Variants in MID1 observed in about 807,000 individuals in gnomAD.
The protein encoded by MID1 is E3 ubiquitin-protein ligase Midline-1.
A neutral mutation model predicts 40.4 loss-of-function variants in MID1; 7 were observed. The observed-to-expected ratio is 0.17, with a 90% CI of 0.10 to 0.33. MID1 has a LOEUF of 0.33. Among genes scored for constraint, MID1 ranks in the 10% least tolerant of loss-of-function variants. The pLI is 1.00. For synonymous variants in MID1, 229 were observed against 221.2 expected (o/e 1.04, Z -0.31); for missense variants, 367 against 558.5 (o/e 0.66, Z 3.46).
chrX:10,757,355 G>T, intron 1 of MID1, among the ~76,000 whole-genome samples: 1 of 112,378 alleles, frequency 8.9e-6, no homozygotes, highest in Non-Finnish European at 1.9e-5. Context: ...GCAGATGAAA[G>T]TGGTGGCAAA....
chrX:10,537,543 A>T (rs1480246790), intron 2 of MID1, among the ~76,000 whole-genome samples: 2 of 112,168 alleles, frequency 1.8e-5, no homozygotes, highest in Non-Finnish European at 3.8e-5. Context: ...TTGGCCTTCC[A>T]CAACTGTTAT....
chrX:10,607,819 T>C (rs1340061885), intron 1 of MID1, among the ~76,000 whole-genome samples: 1 of 112,224 alleles, frequency 8.9e-6, no homozygotes, highest in East Asian at 2.8e-4. Flanking sequence ...GAGTATAAAT[T>C]GAAGCCCAGT....
At chrX:10,621,056 A>T (rs1935928055), upstream of MID1, among the ~76,000 whole-genome samples, 1 of 112,330 alleles carries the variant, frequency 8.9e-6, no homozygotes, top group African/African-American at 3.2e-5. Flanking sequence ...ATATAGATTA[A>T]CTGTATATTC....
intron 1 of MID1, among the ~76,000 whole-genome samples, chrX:10,769,674 T>C (rs1001484038): frequency 8.9e-6 from 1 of 112,362 alleles, no homozygotes; most frequent in East Asian, 2.8e-4. Context: ...CATTTTCTTT[T>C]CCCACTCCTG....
intron 1 of MID1, among the ~76,000 whole-genome samples, chrX:10,795,054 TC>T (rs1417071314): frequency 9.0e-6 from 1 of 111,638 alleles, no homozygotes; most frequent in Non-Finnish European, 1.9e-5. Flanking sequence ...ATTCTCTGTG[TC>T]TGGGCTGTCC....
chrX:10,628,081 GT>G (rs781076710), intron 1 of MID1, among the ~76,000 whole-genome samples: 34 of 107,614 alleles, frequency 3.2e-4, no homozygotes, highest in African/African-American at 9.8e-4. Context: ...CATGGTGTGT[GT>G]TTTTTTTTAA....
At chrX:10,733,561 C>G (rs1480238174) in intron 1 of MID1, among the ~76,000 whole-genome samples, 1 of 111,988 alleles carries the variant, frequency 8.9e-6, no homozygotes, top group East Asian at 2.8e-4. Context: ...CATACACACA[C>G]AGACATATAC....
chrX:10,753,899 A>T (rs1237017960), intron 1 of MID1, among the ~76,000 whole-genome samples: 7 of 112,267 alleles, frequency 6.2e-5, no homozygotes, highest in Non-Finnish European at 1.3e-4. Context: ...TATTTAAGTA[A>T]TTTTGACTAA....
chrX:10,730,410 T>C (rs757288051), intron 1 of MID1, among the ~76,000 whole-genome samples: 4 of 110,967 alleles, frequency 3.6e-5, no homozygotes, highest in Admixed American at 9.6e-5. Flanking sequence ...CAAACTAACA[T>C]TGTATTTTTA....
Position 10,445,804 on chromosome X carries a change from T to C in MID1, c.*3564A>G, listed in dbSNP as rs1224540889. 2 of 111,978 alleles carry C rather than the reference T, an allele frequency of 1.8e-5. No individual in the cohort carries two copies. Among genetic ancestry groups the C allele is most frequent in the East Asian group, 5.6e-4 (2 of 3,594 alleles). 9.2% of individuals were successfully genotyped at this position (111,978 alleles called of 1,213,427 possible). ...CAGATATCAGATTTTTGGAACTATT[T>C]TATAAATATTTTTAAAGGTGATGGA... is the stretch of plus-strand genomic sequence containing the variant. On this transcript the variant is annotated 3_prime_UTR_variant, in exon 10 of 10. Transcript: ENST00000317552.
chrX:10,528,926 A>T (rs1364528238), intron 2 of MID1, among the ~76,000 whole-genome samples: 2 of 111,476 alleles, frequency 1.8e-5, no homozygotes, highest in Non-Finnish European at 3.8e-5. Context: ...TAATTTAAGG[A>T]GCATAATGGT....
chrX:10,716,170 A>G (rs2043301614), intron 1 of MID1, among the ~76,000 whole-genome samples: 1 of 112,412 alleles, frequency 8.9e-6, no homozygotes, highest in Admixed American at 9.4e-5. Context: ...GCTCCTCACC[A>G]GCAATGGAAC....
chrX:10,768,003 C>G (rs998841224), intron 1 of MID1, among the ~76,000 whole-genome samples: 2 of 111,473 alleles, frequency 1.8e-5, no homozygotes, highest in Non-Finnish European at 3.8e-5. Flanking sequence ...AAACAGAAAA[C>G]TGAATATATT....
At chrX:10,669,554 T>G (rs1286464039) in intron 1 of MID1, among the ~76,000 whole-genome samples, 1 of 112,199 alleles carries the variant, frequency 8.9e-6, no homozygotes, top group Non-Finnish European at 1.9e-5. Context: ...CTTCTTGTCA[T>G]GAGTATTGGG....
intron 1 of MID1, among the ~76,000 whole-genome samples, chrX:10,800,484 G>A (rs947157795): frequency 8.9e-6 from 1 of 112,086 alleles, no homozygotes; most frequent in African/African-American, 3.2e-5. Context: ...CAAAACCTGA[G>A]AGATAATAAA....
Position 10,722,317 on chromosome X carries a change from A to G in MID1, c.-186-101898T>C, listed in dbSNP as rs140517716. Among the ~76,000 whole-genome samples the G allele has an allele frequency of 3.3e-3, 366 of 112,274 alleles. 1 individual carries two copies. The highest frequency in any genetic ancestry group is 0.011 in the African/African-American group (341 of 30,932). On this transcript the variant is annotated intron_variant, in intron 1 of 10. Transcript: ENST00000380785. ...ATTGAAATTTGAGTCTCAAAAATGC[A>G]TCTAAGGATATGAGATGTGCCTGGA...
intron 1 of MID1, among the ~76,000 whole-genome samples, chrX:10,573,465 G>C (rs189880402): frequency 8.9e-6 from 1 of 111,819 alleles, no homozygotes; most frequent in Non-Finnish European, 1.9e-5. Flanking sequence ...AGCAAGAACT[G>C]ACTACCTCAA....
chrX:10,469,454 G>A, intron 7 of MID1: 1 of 1,095,135 alleles, frequency 9.1e-7, no homozygotes, highest in Non-Finnish European at 1.2e-6. Flanking sequence ...ATTTGTTTCT[G>A]GCTTCTTTCC....
intron 1 of MID1, among the ~76,000 whole-genome samples, chrX:10,662,028 G>T (rs966844362): frequency 1.8e-5 from 2 of 111,814 alleles, no homozygotes; most frequent in South Asian, 7.5e-4. Flanking sequence ...CTTTTGGCTC[G>T]GTGTGGTGGC....
Sources: allele counts gnomAD v4.1 joint callset (sites outside exome capture counted in the v4.1 genomes callset), GRCh38; gene constraint gnomAD v4.1.1; transcripts MANE v1.5; gene names NCBI Gene and HGNC (gene_info 2026-07-23, HGNC 2026-07-21).